The following FHIP2A variants were observed in gnomAD, a reference collection of about 807,000 sequenced individuals.
FHIP2A encodes family with sequence similarity 160 member B1.
A neutral mutation model predicts 93.5 loss-of-function variants in FHIP2A; 46 were observed. The ratio of observed to expected loss-of-function variants is 0.49; its 90% confidence interval spans 0.39 to 0.63. The LOEUF (loss-of-function observed/expected upper bound fraction) is 0.63. FHIP2A is among the 20% of genes least tolerant of loss of function. The pLI is 0.00. For missense variants in FHIP2A, 769 were observed against 909.7 expected, an observed-to-expected ratio of 0.85 and a Z score of 1.99; for synonymous variants, 332 against 326.5, an observed-to-expected ratio of 1.02 and a Z score of -0.18.
chr10:114,884,623 G>A (rs1026309652), intron 16 of FHIP2A, among the ~76,000 whole-genome samples: 1 of 152,022 alleles, frequency 6.6e-6, no homozygotes, highest in East Asian at 1.9e-4. Context: ...TATTAAATGA[G>A]CCAATATGGC....
intron 3 of FHIP2A, among the ~76,000 whole-genome samples, chr10:114,834,370 A>AT (rs1377106006): frequency 6.6e-6 from 1 of 152,174 alleles, no homozygotes; most frequent in Non-Finnish European, 1.5e-5. Flanking sequence ...TGATTAATTG[A>AT]TTTTTGAGCA....
At chr10:114,853,042 C>A (rs542418494) in intron 13 of FHIP2A, among the ~76,000 whole-genome samples, 1 of 152,160 alleles carries the variant, frequency 6.6e-6, no homozygotes, top group Non-Finnish European at 1.5e-5. Flanking sequence ...GGTAACTACT[C>A]GTCTTCATGC....
chr10:114,863,187 A>G lies in FHIP2A; in HGVS notation c.*1647A>G. The G allele has an allele frequency of 1.0e-6, 1 of 978,084 alleles. No individual in the cohort carries two copies. Among genetic ancestry groups the G allele is most frequent in the Non-Finnish European group, 1.2e-6 (1 of 823,248 alleles). The allele number at this position is 978,084 out of a possible 1,614,324, so 60.6% of individuals were successfully genotyped here. On this transcript the variant is annotated 3_prime_UTR_variant, in exon 17 of 17. Coordinates refer to ENST00000369248, the MANE Select transcript of FHIP2A (RefSeq NM_020940.4). Reference sequence around the variant, plus strand: ...CAAAGAAAAAACAGAAGTGGGAGATAGTTATTTTGTGCGTAATTTTCTTTA... The same window carrying G: ...CAAAGAAAAAACAGAAGTGGGAGATGGTTATTTTGTGCGTAATTTTCTTTA...
At chr10:114,866,556 C>A (rs1302798339), downstream of FHIP2A, among the ~76,000 whole-genome samples, 1 of 152,148 alleles carries the variant, frequency 6.6e-6, no homozygotes, top group African/African-American at 2.4e-5. Context: ...AATAGGACAT[C>A]CACAAACCAA....
At chr10:114,854,310 C>T (rs1408036767) in intron 13 of FHIP2A, among the ~76,000 whole-genome samples, 7 of 151,730 alleles carry the variant, frequency 4.6e-5, no homozygotes, top group Admixed American at 2.6e-4. Flanking sequence ...CTGACCAACA[C>T]GGAGAAACCC....
At chr10:114,875,949 G>A (rs1303882856) in intron 16 of FHIP2A, among the ~76,000 whole-genome samples, 1 of 146,118 alleles carries the variant, frequency 6.8e-6, no homozygotes, top group African/African-American at 2.5e-5. Flanking sequence ...AAAAAGAACA[G>A]AAAGAAAGGA....
intron 16 of FHIP2A, among the ~76,000 whole-genome samples, chr10:114,872,770 G>T (rs561685651): frequency 4.6e-5 from 7 of 152,270 alleles, no homozygotes; most frequent in Admixed American, 1.3e-4. Context: ...GCCTCCAAAT[G>T]CAATGGAGTA....
rs530336989 is a variant in FHIP2A, at chr10:114,848,409, A to C, written c.1713-238A>C. Among the ~76,000 whole-genome samples the C allele has an allele frequency of 1.6e-4, 24 of 152,310 alleles. No individual in the cohort carries two copies. The South Asian group carries it at 4.8e-3, about 30-fold the overall frequency. Reference sequence around the variant, plus strand: ...TTTTTAAAACCTTTAAAATAATGAGAATATTTAATCAATGAATTGTAAAAC... The same window carrying C: ...TTTTTAAAACCTTTAAAATAATGAGCATATTTAATCAATGAATTGTAAAAC... On this transcript the variant is annotated intron_variant, in intron 12 of 16. Transcript: ENST00000369248.
intron 13 of FHIP2A, among the ~76,000 whole-genome samples, chr10:114,854,827 C>G (rs930653315): frequency 6.6e-6 from 1 of 152,162 alleles, no homozygotes; most frequent in Non-Finnish European, 1.5e-5. Context: ...GTGGTATATA[C>G]CATTTTAGAA....
Position 114,861,991 on chromosome 10 carries a change from T to A in FHIP2A, c.*451T>A, listed in dbSNP as rs963421446. ...TCACTAATTTTATAACTTTTTAAGG[T>A]CAGAATTCTTATCAAACAAAATATG... On this transcript the variant is annotated 3_prime_UTR_variant, in exon 17 of 17. Transcript: ENST00000369248. 3 of 977,850 alleles carry A rather than the reference T, an allele frequency of 3.1e-6. No individual in the cohort carries two copies. The highest frequency in any genetic ancestry group is 3.6e-6 in the Non-Finnish European group (3 of 822,632). The allele number at this position is 977,850 out of a possible 1,614,324, so 60.6% of individuals were successfully genotyped here. A position where few individuals can be genotyped will look rare whatever the true frequency, so the allele number is the denominator to read the frequency against.
chr10:114,857,680 A>G (rs1160661594), intron 14 of FHIP2A, among the ~76,000 whole-genome samples: 2 of 152,042 alleles, frequency 1.3e-5, no homozygotes, highest in Non-Finnish European at 2.9e-5. Context: ...ATAGATTCCT[A>G]ATAGGGTCTA....
rs1292587147 is a variant in FHIP2A at position 114,864,010 on chromosome 10, T to C, written c.*2470T>C. 2.0e-6 allele frequency: 2 copies of C among 1,002,272 alleles called. No homozygotes were observed. Among genetic ancestry groups the C allele is most frequent in the Non-Finnish European group, 2.4e-6 (2 of 840,482 alleles). The allele number at this position is 1,002,272 out of a possible 1,614,324, so 62.1% of individuals were successfully genotyped here. ...CTATTGCCATATAGTACTCACCTTATAACTATGTAACTTTCTCGTAATGTA... is the reference window on the plus strand; with the variant it reads ...CTATTGCCATATAGTACTCACCTTACAACTATGTAACTTTCTCGTAATGTA... On this transcript the variant is annotated 3_prime_UTR_variant, in exon 17 of 17. Transcript: ENST00000369248.
At chr10:114,831,232 T>C (rs1410099375) in intron 2 of FHIP2A, among the ~76,000 whole-genome samples, 1 of 152,120 alleles carries the variant, frequency 6.6e-6, no homozygotes, top group Non-Finnish European at 1.5e-5. Flanking sequence ...TAGACAAATA[T>C]GTATAGTGTG....
At chr10:114,885,995 C>T (rs1165491971) in intron 16 of FHIP2A, among the ~76,000 whole-genome samples, 1 of 152,168 alleles carries the variant, frequency 6.6e-6, no homozygotes, top group Non-Finnish European at 1.5e-5. Flanking sequence ...AGCGGCTTCT[C>T]AGGTGGAAGA....
chr10:114,848,612 G>A lies in FHIP2A; in HGVS notation c.1713-35G>A, dbSNP rs1302447177. 3.3e-6 allele frequency: 4 copies of A among 1,206,270 alleles called. No individual in the cohort carries two copies. In the South Asian group the frequency reaches 5.1e-5, roughly 15 times the overall value. The allele number at this position is 1,206,270 out of a possible 1,614,324, so 74.7% of individuals were successfully genotyped here. A position where few individuals can be genotyped will look rare whatever the true frequency, so the allele number is the denominator to read the frequency against. On this transcript the variant is annotated intron_variant, in intron 12 of 16. Transcript: ENST00000369248. The stretch of plus-strand genomic sequence containing the variant: ...TTTCCTTTTTTTTTTCATGCAAATG[G>A]ACATCTTGCATAATTGTGGCCGTTT...
intron 7 of FHIP2A, among the ~76,000 whole-genome samples, chr10:114,844,780 T>C (rs775444807): frequency 6.6e-6 from 1 of 152,034 alleles, no homozygotes; most frequent in Non-Finnish European, 1.5e-5. Context: ...TCCACTGTTT[T>C]TTTGTTTGTT....
At chr10:114,847,419 G>C (rs2083708289) in intron 12 of FHIP2A, among the ~76,000 whole-genome samples, 186 bp downstream of exon 12, 1 of 151,932 alleles carries the variant, frequency 6.6e-6, no homozygotes, top group African/African-American at 2.4e-5. Flanking sequence ...CTCCCAAGTA[G>C]CTGGGATTAC....
chr10:114,893,438 A>G (rs950181491), intron 16 of FHIP2A, among the ~76,000 whole-genome samples: 3 of 152,188 alleles, frequency 2.0e-5, no homozygotes, highest in South Asian at 4.1e-4. Context: ...GCCAATCGGG[A>G]ACAGAGTTAG....
intron 16 of FHIP2A, among the ~76,000 whole-genome samples, chr10:114,880,712 G>C (rs969061014): frequency 1.5e-5 from 1 of 68,022 alleles, no homozygotes; most frequent in Non-Finnish European, 3.2e-5. Flanking sequence ...CACACACACA[G>C]ATTCCTGGGC....
Sources: allele counts gnomAD v4.1 joint callset (sites outside exome capture counted in the v4.1 genomes callset), GRCh38; gene constraint gnomAD v4.1.1; transcripts MANE v1.5; gene names NCBI Gene and HGNC (gene_info 2026-07-23, HGNC 2026-07-21).